Variants in EDEM1 observed in about 807,000 individuals in gnomAD.
EDEM1 encodes the protein ER degradation-enhancing alpha-mannosidase-like protein 1.
EDEM1 carries 67 observed loss-of-function variants against 74.4 expected under a neutral mutation model. The observed-to-expected ratio is 0.90, with a 90% CI of 0.74 to 1.10. EDEM1 has a LOEUF of 1.10. EDEM1 is among the 50% of genes least tolerant of loss of function. The probability of loss-of-function intolerance (pLI) is 0.00; values close to 1 mark genes in which losing one functional copy is unlikely to be tolerated. For synonymous variants in EDEM1, 382 were observed against 335.9 expected (o/e 1.14, Z -1.50); for missense variants, 926 against 851.6 (o/e 1.09, Z -1.09).
chr3:5,188,712 T>G (rs573317532), intron 1 of EDEM1, among the ~76,000 whole-genome samples: 1 of 152,200 alleles, frequency 6.6e-6, no homozygotes, highest in East Asian at 1.9e-4. Flanking sequence ...ATGCCCCCCG[T>G]GTAAACGCAG....
chr3:5,212,803 G>A (rs963029077), intron 10 of EDEM1, among the ~76,000 whole-genome samples: 5 of 152,184 alleles, frequency 3.3e-5, no homozygotes, highest in African/African-American at 7.2e-5. Flanking sequence ...TGTCCATTGC[G>A]TCTTCAGAGC....
In EDEM1 at chr3:5,196,699, A is replaced by C. The variant is rs1193883618; in HGVS notation, c.582+1418A>C. ...TTACAAAGCAACTTAGTTTCCCAAT[A>C]TCTCCTTCTGAAGTTATTGCTGCTC... On this transcript the variant is annotated intron_variant, in intron 2 of 11. Coordinates refer to ENST00000256497, the MANE Select transcript of EDEM1 (RefSeq NM_014674.3). Among the ~76,000 whole-genome samples the C allele has an allele frequency of 2.0e-5, 3 of 152,290 alleles. No individual in the cohort carries two copies. In the East Asian group the frequency reaches 5.8e-4, roughly 29 times the overall value.
intron 8 of EDEM1, among the ~76,000 whole-genome samples, chr3:5,209,041 A>G (rs1186711271): frequency 6.6e-6 from 1 of 152,174 alleles, no homozygotes; most frequent in Non-Finnish European, 1.5e-5. Flanking sequence ...GGCCAGCCCT[A>G]GCAAGCAGGG....
In EDEM1 at chr3:5,215,844, G is replaced by A; in HGVS notation, c.1900G>A (p.Asp634Asn). 1 of 1,612,908 alleles carries A rather than the reference G, an allele frequency of 6.2e-7. No individual in the cohort carries two copies. Among genetic ancestry groups the A allele is most frequent in the South Asian group, 1.1e-5 (1 of 90,746 alleles). ...NSSSNCNRVP[D>N]ERRYSLPLKS... The stretch of plus-strand genomic sequence containing the variant: ...GTCTTTCTAGTGCAATCGTGTACCT[G>A]ATGAGAGGAGGTACTCCCTGCCCTT... The change falls in exon 12 of 12, where the codon GAT (aspartate) becomes AAT (asparagine). Residue 634 changes from aspartate to asparagine, a missense_variant. Transcript: ENST00000256497.
At chr3:5,213,271 C>T in intron 10 of EDEM1, 48 bp from the exon 11 acceptor site, 1 of 1,560,518 alleles carries the variant, frequency 6.4e-7, no homozygotes, top group African/African-American at 1.3e-5. Flanking sequence ...GATTCAGTTC[C>T]CAGTGTGCTA....
intron 1 of EDEM1, among the ~76,000 whole-genome samples, chr3:5,194,244 T>A (rs1189177158): frequency 6.6e-6 from 1 of 152,210 alleles, no homozygotes; most frequent in Non-Finnish European, 1.5e-5. Context: ...GCTAATAAAA[T>A]CTTTAAACAG....
chr3:5,196,194 C>T (rs780061395), intron 2 of EDEM1, among the ~76,000 whole-genome samples: 5 of 152,172 alleles, frequency 3.3e-5, no homozygotes, highest in African/African-American at 7.2e-5. Context: ...CAGTGGCTCA[C>T]GCCTGTAATC....
chr3:5,202,791 T>G (rs2055049005), intron 4 of EDEM1, among the ~76,000 whole-genome samples, 175 bp from the exon 5 acceptor site: 2 of 152,186 alleles, frequency 1.3e-5, no homozygotes, highest in Admixed American at 1.3e-4. Context: ...TTGTCTTGTT[T>G]GTGTCTTTTA....
chr3:5,190,941 A>G (rs2106585351), intron 1 of EDEM1, among the ~76,000 whole-genome samples: 1 of 152,254 alleles, frequency 6.6e-6, no homozygotes, highest in African/African-American at 2.4e-5. Flanking sequence ...AGGGTACATG[A>G]GATATTTTGG....
chr3:5,194,934 A>C (rs1378666269), intron 1 of EDEM1, among the ~76,000 whole-genome samples: 1 of 152,204 alleles, frequency 6.6e-6, no homozygotes, highest in Non-Finnish European at 1.5e-5. Context: ...TGAATCTCAG[A>C]GAGGAGATGA....
Position 5,215,867 on chromosome 3 carries a change from C to T in EDEM1, c.1923C>T (p.Pro641=). 1 of 1,612,954 alleles carries T rather than the reference C, an allele frequency of 6.2e-7. No homozygotes were observed. The highest frequency in any genetic ancestry group is 8.5e-7 in the Non-Finnish European group (1 of 1,179,576). Residue 641 remains proline (P), a synonymous_variant, in exon 12 of 12, where the codon CCC becomes CCT. Coordinates refer to ENST00000256497, the MANE Select transcript of EDEM1 (RefSeq NM_014674.3). ...CTGATGAGAGGAGGTACTCCCTGCCCTTAAAGAGCATCTACATGCGACAGA... is the reference window on the plus strand; with the variant it reads ...CTGATGAGAGGAGGTACTCCCTGCCTTTAAAGAGCATCTACATGCGACAGA... ...RVPDERRYSL[P]LKSIYMRQID... is the part of the protein sequence containing the mutation.
chr3:5,218,549 G>A lies in EDEM1; in HGVS notation c.*2631G>A, dbSNP rs1559303529. 1.3e-5 allele frequency: 2 copies of A among 152,040 alleles called. No homozygotes were observed. The highest frequency in any genetic ancestry group is 2.1e-4 in the South Asian group (1 of 4,812). The allele number at this position is 152,040 out of a possible 1,614,324, so 9.4% of individuals were successfully genotyped here. A position where few individuals can be genotyped will look rare whatever the true frequency, so the allele number is the denominator to read the frequency against. On this transcript the variant is annotated 3_prime_UTR_variant, in exon 12 of 12. Coordinates refer to ENST00000256497, the MANE Select transcript of EDEM1 (RefSeq NM_014674.3). ...CTGAGTGGACTTCATCCTTTGCGGC[G>A]GCTCTGAGCCTGGCCCATCTTCCTA...
chr3:5,199,100 T>G lies in EDEM1; in HGVS notation c.583-492T>G, dbSNP rs189560784. Among the ~76,000 whole-genome samples, 10 of 152,386 alleles carry G rather than the reference T, an allele frequency of 6.6e-5. No individual in the cohort carries two copies. The East Asian group carries it at 1.9e-3, about 29-fold the overall frequency. On this transcript the variant is annotated intron_variant, in intron 2 of 11. Transcript: ENST00000256497. ...TATTACCACTATTTCTCAAAGTGTT[T>G]AGGCATCTGGATAACAATCAACAAG...
At chr3:5,206,270 C>T (rs900098926) in intron 6 of EDEM1, among the ~76,000 whole-genome samples, 1 of 150,624 alleles carries the variant, frequency 6.6e-6, no homozygotes, top group Non-Finnish European at 1.5e-5. Flanking sequence ...TACAGTGGTA[C>T]GATCTTGGCT....
rs1559296989 is a variant in EDEM1 at position 5,203,025 on chromosome 3, CG to C, written c.920del (p.Gly307ValfsTer10). The part of the protein sequence containing the change: ...TNNETCTAGA[G>X]SLLVEFGILS... ...ATAATGAGACATGCACAGCGGGAGC[CG>C]GTTCCCTCCTGGTGGAATTTGGGAT... On this transcript the variant is annotated frameshift_variant, in exon 5 of 12. Coordinates refer to ENST00000256497, the MANE Select transcript of EDEM1 (RefSeq NM_014674.3). LOFTEE classifies it high-confidence loss of function. 6.2e-7 allele frequency: 1 copy of C among 1,613,866 alleles called. No homozygotes were observed. The highest frequency in any genetic ancestry group is 1.1e-5 in the South Asian group (1 of 91,074).
intron 9 of EDEM1, 130 bp downstream of exon 9, chr3:5,210,378 T>C: frequency 1.2e-6 from 1 of 862,586 alleles, no homozygotes; most frequent in Non-Finnish European, 1.8e-6. Context: ...TACAGGGAAA[T>C]TGCTTACCTT....
At chr3:5,214,719 G>T (rs2055209825) in intron 11 of EDEM1, among the ~76,000 whole-genome samples, 1 of 152,342 alleles carries the variant, frequency 6.6e-6, no homozygotes, top group South Asian at 2.1e-4. Flanking sequence ...AGGTCCCACA[G>T]TGGAGCCAGG....
At chr3:5,188,775 C>G (rs1486544606) in intron 1 of EDEM1, among the ~76,000 whole-genome samples, 2 of 152,188 alleles carry the variant, frequency 1.3e-5, no homozygotes, top group African/African-American at 2.4e-5. Context: ...TTGCCACACC[C>G]ACGTCTTTTC....
Position 5,216,218 on chromosome 3 carries a change from A to G in EDEM1, c.*300A>G, listed in dbSNP as rs566723885. 4 of 359,194 alleles carry G rather than the reference A, an allele frequency of 1.1e-5. 1 individual carries two copies. Among genetic ancestry groups the G allele is most frequent in the African/African-American group, 8.5e-5 (4 of 47,082 alleles). The allele number at this position is 359,194 out of a possible 1,614,324, so 22.3% of individuals were successfully genotyped here. A position where few individuals can be genotyped will look rare whatever the true frequency, so the allele number is the denominator to read the frequency against. ...GGGGCATCTTTGGATTGATGTTCACAGCTTTATACTTCAGAACCTAAGTCT... is the reference window on the plus strand; with the variant it reads ...GGGGCATCTTTGGATTGATGTTCACGGCTTTATACTTCAGAACCTAAGTCT... On this transcript the variant is annotated 3_prime_UTR_variant, in exon 12 of 12. Coordinates refer to ENST00000256497, the MANE Select transcript of EDEM1 (RefSeq NM_014674.3).
Sources: allele counts gnomAD v4.1 joint callset (sites outside exome capture counted in the v4.1 genomes callset), GRCh38; gene constraint gnomAD v4.1.1; transcripts MANE v1.5; gene names NCBI Gene and HGNC (gene_info 2026-07-23, HGNC 2026-07-21).